The following PEX5L variants were observed in gnomAD, a reference collection of about 807,000 sequenced individuals.
PEX5L encodes the protein peroxisomal biogenesis factor 5 like, also known as PEX5-related protein.
A neutral mutation model predicts 84.0 loss-of-function variants in PEX5L; 30 were observed. That is an observed-to-expected ratio of 0.36 (90% CI 0.27 to 0.48). The LOEUF is 0.48. Ranked by LOEUF, PEX5L falls within the 20% of genes least tolerant of loss-of-function variation. The pLI, the probability that PEX5L is intolerant of heterozygous loss-of-function variation, is 0.99. For synonymous variants in PEX5L, 270 were observed against 283.1 expected (o/e 0.95, Z 0.46); for missense variants, 533 against 754.6 (o/e 0.71, Z 3.44).
chr3:179,863,990 T>C (rs1747232448), intron 7 of PEX5L, among the ~76,000 whole-genome samples: 1 of 152,048 alleles, frequency 6.6e-6, no homozygotes, highest in Non-Finnish European at 1.5e-5. Flanking sequence ...GATGGTATTA[T>C]AAGGGGGAGT....
At chr3:179,906,487 C>T (rs1218391711) in intron 2 of PEX5L, among the ~76,000 whole-genome samples, 2 of 152,046 alleles carry the variant, frequency 1.3e-5, no homozygotes, top group Non-Finnish European at 2.9e-5. Context: ...TGCCTTTGGC[C>T]TTACATTGAG....
intron 1 of PEX5L, among the ~76,000 whole-genome samples, chr3:180,010,238 C>T (rs1194142863): frequency 1.6e-5 from 2 of 126,308 alleles, no homozygotes; most frequent in Non-Finnish European, 3.4e-5. Flanking sequence ...AGCCACTGCA[C>T]CCGGCCTCTT....
chr3:179,980,181 A>C, intron 1 of PEX5L, among the ~76,000 whole-genome samples: 1 of 152,192 alleles, frequency 6.6e-6, no homozygotes. Context: ...TTCTGACAAG[A>C]ATCAACCCAA....
At chr3:179,911,193 A>C (rs1008669502) in intron 2 of PEX5L, among the ~76,000 whole-genome samples, 1 of 152,176 alleles carries the variant, frequency 6.6e-6, no homozygotes, top group Admixed American at 6.5e-5. Flanking sequence ...AGGGGAAGAA[A>C]ACAGTTGTCA....
chr3:179,977,029 A>G (rs961517847), intron 1 of PEX5L, among the ~76,000 whole-genome samples: 2 of 152,192 alleles, frequency 1.3e-5, no homozygotes, highest in African/African-American at 4.8e-5. Context: ...TGTGCTGTAT[A>G]TTTGTAAGAA....
chr3:179,867,758 G>A (rs1393226802), intron 7 of PEX5L, among the ~76,000 whole-genome samples: 1 of 152,140 alleles, frequency 6.6e-6, no homozygotes, highest in African/African-American at 2.4e-5. Context: ...CTAAAAGTAA[G>A]GGCTTGACAA....
chr3:179,983,317 T>C (rs1786509487), intron 1 of PEX5L, among the ~76,000 whole-genome samples: 1 of 151,998 alleles, frequency 6.6e-6, no homozygotes, highest in African/African-American at 2.4e-5. Flanking sequence ...AAATTAATAA[T>C]TTTTATTAAG....
At chr3:179,817,179 T>G (rs1726470463) in intron 9 of PEX5L, among the ~76,000 whole-genome samples, 2 of 152,228 alleles carry the variant, frequency 1.3e-5, no homozygotes, top group Non-Finnish European at 2.9e-5. Flanking sequence ...TTGCCCCTGT[T>G]GAGCATGCAT....
intron 8 of PEX5L, among the ~76,000 whole-genome samples, chr3:179,841,356 T>C (rs1737217106): frequency 6.6e-6 from 1 of 152,190 alleles, no homozygotes; most frequent in South Asian, 2.1e-4. Flanking sequence ...CAAATGTGTG[T>C]GTGATGCCTG....
chr3:179,951,684 T>A (rs780453729), intron 2 of PEX5L, among the ~76,000 whole-genome samples: 61 of 152,256 alleles, frequency 4.0e-4, no homozygotes, highest in Middle Eastern at 6.8e-3. Context: ...CCACATGATA[T>A]AATACCAGAT....
chr3:179,808,593 C>T (rs1459631159), intron 12 of PEX5L, among the ~76,000 whole-genome samples, 156 bp from the exon 13 acceptor site: 1 of 152,116 alleles, frequency 6.6e-6, no homozygotes, highest in Non-Finnish European at 1.5e-5. Context: ...ACTATTAATG[C>T]TGAATGTTTT....
At chr3:179,867,119 C>A (rs1267289593) in intron 7 of PEX5L, among the ~76,000 whole-genome samples, 3 of 151,346 alleles carry the variant, frequency 2.0e-5, no homozygotes, top group Non-Finnish European at 2.9e-5. Context: ...GAGCTTTGTA[C>A]AAGGCATGGC....
intron 1 of PEX5L, among the ~76,000 whole-genome samples, chr3:180,036,219 T>C (rs1791895145): frequency 6.6e-6 from 1 of 152,230 alleles, no homozygotes; most frequent in Admixed American, 6.5e-5. Flanking sequence ...TTCCTATTAT[T>C]GTTTGCCCTT....
chr3:180,014,538 A>G (rs1286218526), intron 1 of PEX5L, among the ~76,000 whole-genome samples: 1 of 152,156 alleles, frequency 6.6e-6, no homozygotes, highest in Non-Finnish European at 1.5e-5. Context: ...TACTTTCATT[A>G]AAACTTAAAG....
chr3:179,862,066 C>T (rs368139678), intron 7 of PEX5L, among the ~76,000 whole-genome samples: 27 of 152,280 alleles, frequency 1.8e-4, no homozygotes, highest in African/African-American at 6.5e-4. Flanking sequence ...AGCAGGGCCA[C>T]GTTCCCTCTG....
rs1420953139 is a variant in PEX5L, at chr3:179,799,747, G to A, written c.*2081C>T. ...AGGATGCTTAATCAGGCATATTCAA[G>A]CAGGCCCTGCCATGGCTTGGAGGCT... On this transcript the variant is annotated 3_prime_UTR_variant, in exon 15 of 15. Transcript: ENST00000467460. 1 of 152,244 alleles carries A rather than the reference G, an allele frequency of 6.6e-6. No homozygotes were observed. Among genetic ancestry groups the A allele is most frequent in the Non-Finnish European group, 1.5e-5 (1 of 68,068 alleles). The allele number at this position is 152,244 out of a possible 1,614,324, so 9.4% of individuals were successfully genotyped here. A position where few individuals can be genotyped will look rare whatever the true frequency, so the allele number is the denominator to read the frequency against.
chr3:179,988,388 CAATAAATAAATA>C (rs56669562), intron 1 of PEX5L, among the ~76,000 whole-genome samples: 11 of 143,446 alleles, frequency 7.7e-5, no homozygotes, highest in South Asian at 2.2e-4. Flanking sequence ...AAATCTGCCT[CAATAAATAAATA>C]AATAAATAAA....
chr3:179,840,603 A>G (rs1736880010), intron 8 of PEX5L, among the ~76,000 whole-genome samples: 1 of 152,102 alleles, frequency 6.6e-6, no homozygotes, highest in South Asian at 2.1e-4. Flanking sequence ...GGTGGGAGAC[A>G]AAGTAGGAGG....
At chr3:179,867,605 G>A (rs1748790785) in intron 7 of PEX5L, among the ~76,000 whole-genome samples, 1 of 152,132 alleles carries the variant, frequency 6.6e-6, no homozygotes, top group Non-Finnish European at 1.5e-5. Flanking sequence ...AATATTGATA[G>A]TGTATCTAAT....
Sources: gnomAD v4.1 joint callset for allele counts (sites outside exome capture counted in the v4.1 genomes callset) on GRCh38, gnomAD v4.1.1 for gene constraint, MANE v1.5 for transcripts, NCBI Gene and HGNC (gene_info 2026-07-23, HGNC 2026-07-21) for gene names.